SLC5A8: variants seen among roughly 807,000 people sequenced by gnomAD.
SLC5A8 encodes the protein solute carrier family 5 member 8.
A neutral mutation model predicts 71.9 loss-of-function variants in SLC5A8; 55 were observed. The ratio of observed to expected loss-of-function variants is 0.77; its 90% confidence interval spans 0.62 to 0.96. SLC5A8 has a LOEUF of 0.96. SLC5A8 is among the 40% of genes least tolerant of loss of function. The pLI is 0.00. For synonymous variants in SLC5A8, 307 were observed against 276.1 expected (o/e 1.11, Z -1.11); for missense variants, 701 against 745.3 (o/e 0.94, Z 0.69).
At chr12:101,161,058 G>A (rs993843181) in intron 13 of SLC5A8, among the ~76,000 whole-genome samples, 1 of 152,208 alleles carries the variant, frequency 6.6e-6, no homozygotes, top group Non-Finnish European at 1.5e-5. Flanking sequence ...GCTGGTAGCA[G>A]AGCGCTGTCA....
At chr12:101,168,872 A>G (rs546356450) in intron 10 of SLC5A8, among the ~76,000 whole-genome samples, 27 of 152,344 alleles carry the variant, frequency 1.8e-4, no homozygotes, top group African/African-American at 6.5e-4. Flanking sequence ...AATGGACACA[A>G]CCATAAAAGA....
At chr12:101,183,100 C>CAATGA (rs1221263974) in intron 8 of SLC5A8, among the ~76,000 whole-genome samples, 185 bp from the exon 9 acceptor site, 1 of 120,042 alleles carries the variant, frequency 8.3e-6, no homozygotes, top group African/African-American at 3.3e-5. Context: ...GGCTGGAGTG[C>CAATGA]AATGGCATGA....
intron 5 of SLC5A8, among the ~76,000 whole-genome samples, chr12:101,191,607 A>G (rs543504975): frequency 2.6e-4 from 40 of 152,350 alleles, no homozygotes; most frequent in Admixed American, 2.3e-3. Flanking sequence ...CCAGTAAGCT[A>G]TCTGAGGGAA....
At chr12:101,191,109 T>C (rs1683983865) in intron 5 of SLC5A8, among the ~76,000 whole-genome samples, 1 of 152,234 alleles carries the variant, frequency 6.6e-6, no homozygotes, top group South Asian at 2.1e-4. Flanking sequence ...AGTCAATTAA[T>C]GCAGTTTCAA....
At chr12:101,197,449 G>A (rs1419347994) in intron 3 of SLC5A8, among the ~76,000 whole-genome samples, 1 of 152,142 alleles carries the variant, frequency 6.6e-6, no homozygotes, top group African/African-American at 2.4e-5. Context: ...TTGAAGTGGA[G>A]TCTGAAAAAG....
intron 7 of SLC5A8, 26 bp downstream of exon 7, chr12:101,187,360 C>T (rs758015721): frequency 1.3e-6 from 2 of 1,598,428 alleles, no homozygotes; most frequent in East Asian, 2.2e-5. Flanking sequence ...TATTAATACA[C>T]CTGTAAGAAA....
intron 10 of SLC5A8, among the ~76,000 whole-genome samples, chr12:101,172,092 A>G (rs1475582989): frequency 6.6e-6 from 1 of 152,126 alleles, no homozygotes; most frequent in East Asian, 1.9e-4. Flanking sequence ...CAAAATCGTG[A>G]TCTTGAACAC....
intron 2 of SLC5A8, 125 bp from the exon 3 acceptor site, chr12:101,202,340 A>C: frequency 1.1e-6 from 1 of 892,264 alleles, no homozygotes; most frequent in South Asian, 2.1e-5. Flanking sequence ...CAGTTTCAAA[A>C]CACCTAATAA....
At chr12:101,181,752 C>T (rs1251804982) in intron 9 of SLC5A8, among the ~76,000 whole-genome samples, 2 of 152,076 alleles carry the variant, frequency 1.3e-5, no homozygotes, top group Non-Finnish European at 2.9e-5. Flanking sequence ...GTCTAAAAAC[C>T]CTTTAGGAAG....
chr12:101,210,147 A>G lies in SLC5A8; in HGVS notation c.-299T>C. On this transcript the variant is annotated 5_prime_UTR_variant, in exon 1 of 15. Coordinates refer to ENST00000536262, the MANE Select transcript of SLC5A8 (RefSeq NM_145913.5). Reference sequence around the variant, plus strand: ...AGGAACTGGAGTGGCCGAGTTCGCCAAGGCGCCGGGGACACCTGAGCAGAT... The same window carrying G: ...AGGAACTGGAGTGGCCGAGTTCGCCGAGGCGCCGGGGACACCTGAGCAGAT... The G allele has an allele frequency of 2.6e-6, 1 of 379,306 alleles. No individual in the cohort carries two copies. 23.5% of individuals were successfully genotyped at this position (379,306 alleles called of 1,614,324 possible).
At position 101,190,595 on chromosome 12, in the gene SLC5A8, G is replaced by A; in HGVS notation, c.706C>T (p.Pro236Ser). Reference protein sequence around the residue: ...RLNFWNFNPNPLQRHTFWTII... With the variant: ...RLNFWNFNPNSLQRHTFWTII... ...GTCCAGAAGGTGTGTCTTTGCAAAGGGTTAGGATTAAAACTAAATGACAAG... is the reference window on the plus strand; with the variant it reads ...GTCCAGAAGGTGTGTCTTTGCAAAGAGTTAGGATTAAAACTAAATGACAAG... The change falls in exon 6 of 15, where the codon CCT becomes TCT. Residue 236 changes from proline to serine, a missense_variant. Physicochemically the swap from Pro to Ser is moderately conservative, Grantham distance 74. Coordinates refer to ENST00000536262, the MANE Select transcript of SLC5A8 (RefSeq NM_145913.5). 6.2e-7 allele frequency: 1 copy of A among 1,604,502 alleles called. No individual in the cohort carries two copies. The highest frequency in any genetic ancestry group is 1.3e-5 in the African/African-American group (1 of 74,338).
Position 101,210,079 on chromosome 12 carries a change from G to A in SLC5A8, c.-231C>T. ...CCGCGCCCCTCAAACCCAGGTATGG[G>A]ACCTCGGAAAATCGACCCGCTGCCC... On this transcript the variant is annotated 5_prime_UTR_variant, in exon 1 of 15. Coordinates refer to ENST00000536262, the MANE Select transcript of SLC5A8 (RefSeq NM_145913.5). 1 of 474,666 alleles carries A rather than the reference G, an allele frequency of 2.1e-6. No homozygotes were observed. The highest frequency in any genetic ancestry group is 3.6e-6 in the Non-Finnish European group (1 of 273,984). The allele number at this position is 474,666 out of a possible 1,614,324, so 29.4% of individuals were successfully genotyped here.
At chr12:101,202,663 C>T (rs1360726958) in intron 2 of SLC5A8, among the ~76,000 whole-genome samples, 2 of 152,048 alleles carry the variant, frequency 1.3e-5, no homozygotes, top group East Asian at 3.8e-4. Context: ...TATTTCTAAA[C>T]TTTTACTGTT....
At chr12:101,174,342 T>C (rs2051859380) in intron 10 of SLC5A8, among the ~76,000 whole-genome samples, 1 of 152,190 alleles carries the variant, frequency 6.6e-6, no homozygotes, top group African/African-American at 2.4e-5. Flanking sequence ...CGGTTTATTC[T>C]GGCAGCACTC....
chr12:101,172,897 C>A (rs1156387711), intron 10 of SLC5A8, among the ~76,000 whole-genome samples: 1 of 152,174 alleles, frequency 6.6e-6, no homozygotes, highest in Non-Finnish European at 1.5e-5. Context: ...GCAAGGTGGT[C>A]TGTTCCAAGG....
intron 1 of SLC5A8, among the ~76,000 whole-genome samples, chr12:101,208,250 G>T (rs1233442939): frequency 6.6e-6 from 1 of 152,164 alleles, no homozygotes; most frequent in Admixed American, 6.5e-5. Flanking sequence ...GGAAGGCAAT[G>T]CTGCCCAGGG....
At chr12:101,184,006 C>G (rs1304579975) in intron 8 of SLC5A8, 128 bp downstream of exon 8, 6 of 802,596 alleles carry the variant, frequency 7.5e-6, no homozygotes, top group Non-Finnish European at 1.2e-5. Flanking sequence ...AGGACACATA[C>G]AGCAGATTGC....
chr12:101,161,207 A>C (rs1327258837), intron 13 of SLC5A8, among the ~76,000 whole-genome samples: 4 of 152,246 alleles, frequency 2.6e-5, no homozygotes, highest in Admixed American at 2.6e-4. Flanking sequence ...CAGACACACA[A>C]AGTTTCCAAA....
Position 101,166,451 on chromosome 12 carries a change from G to A in SLC5A8, c.1526+43C>T, listed in dbSNP as rs191300387. The A allele has an allele frequency of 1.2e-4, 183 of 1,537,972 alleles. No homozygotes were observed. The African/African-American group carries it at 1.4e-3, about 12-fold the overall frequency. ...GCAAGTGGGGTTCTCTACTTGTTGC[G>A]TAAATTTTTTAAAGTATAATGTAAT... is the stretch of plus-strand genomic sequence containing the variant. On this transcript the variant is annotated intron_variant, in intron 12 of 14. Coordinates refer to ENST00000536262, the MANE Select transcript of SLC5A8 (RefSeq NM_145913.5).
Sources: allele counts gnomAD v4.1 joint callset (sites outside exome capture counted in the v4.1 genomes callset), GRCh38; gene constraint gnomAD v4.1.1; transcripts MANE v1.5; gene names NCBI Gene and HGNC (gene_info 2026-07-23, HGNC 2026-07-21).